Variants in NEMF observed in about 807,000 individuals in gnomAD.
NEMF encodes nuclear export mediator factor.
Under a neutral mutation model 162.2 loss-of-function variants are expected in NEMF, and 89 were observed. The observed-to-expected ratio is 0.55, with a 90% CI of 0.46 to 0.65. NEMF has a LOEUF of 0.65. Among genes scored for constraint, NEMF ranks in the 30% least tolerant of loss-of-function variants. The pLI, the probability that NEMF is intolerant of heterozygous loss-of-function variation, is 0.00. For missense variants in NEMF, 1,133 were observed against 1,261.9 expected, an observed-to-expected ratio of 0.90 and a Z score of 1.55; for synonymous variants, 421 against 404.5, an observed-to-expected ratio of 1.04 and a Z score of -0.49.
chr14:49,817,457 CAAAT>C (rs1372181914), intron 16 of NEMF, among the ~76,000 whole-genome samples: 5 of 151,964 alleles, frequency 3.3e-5, no homozygotes, highest in South Asian at 2.1e-4. Flanking sequence ...AAAAAACAAA[CAAAT>C]AAAAAAGATA....
chr14:49,803,437 C>T (rs1006354890), intron 19 of NEMF, 143 bp from the exon 20 acceptor site: 5 of 523,894 alleles, frequency 9.5e-6, no homozygotes, highest in African/African-American at 7.8e-5. Flanking sequence ...ATTCTCAATA[C>T]TAAAGGGAAA....
chr14:49,846,226 T>G lies in NEMF; in HGVS notation c.271A>C (p.Lys91Gln). The G allele has an allele frequency of 6.2e-7, 1 of 1,613,860 alleles. No individual in the cohort carries two copies. The highest frequency in any genetic ancestry group is 8.5e-7 in the Non-Finnish European group (1 of 1,179,900). The change falls in exon 4 of 33, where the codon AAA becomes CAA. Residue 91 changes from lysine (K) to glutamine (Q), a missense_variant. Physicochemically the swap from Lys to Gln is moderately conservative, Grantham distance 53. Coordinates refer to ENST00000298310, the MANE Select transcript of NEMF (RefSeq NM_004713.6). ...HLKSRRLVSA[K>Q]QLGVDRIVDF... ...ACAATTCTATCCACACCAAGCTGTT[T>G]TGCACTGACTAATCTCCGACTCTTC...
rs1892681196 is a variant in NEMF at position 49,832,306 on chromosome 14, CT to C, written c.736-30del. 5 of 1,405,536 alleles carry C rather than the reference CT, an allele frequency of 3.6e-6. No individual in the cohort carries two copies. The South Asian group carries it at 6.2e-5, about 17-fold the overall frequency. 87.1% of individuals were successfully genotyped at this position (1,405,536 alleles called of 1,614,324 possible). ...CAAAAATGCAACATTAAAATCATTC[CT>C]ATTCATAATTAACAAAGATTTACTT... On this transcript the variant is annotated intron_variant, in intron 8 of 32. Transcript: ENST00000298310.
At position 49,806,072 on chromosome 14, in the gene NEMF, A is replaced by G; in HGVS notation, c.1806T>C (p.Ala602=). 6.2e-7 allele frequency: 1 copy of G among 1,611,826 alleles called. No individual in the cohort carries two copies. The highest frequency in any genetic ancestry group is 2.2e-5 in the East Asian group (1 of 44,754). The change falls in exon 19 of 33, where the codon GCT becomes GCC. Residue 602 remains alanine, a synonymous_variant. Transcript: ENST00000298310. ...EAGTMALCYS[A]AWDARVITSA... is the part of the protein sequence containing the mutation. Reference sequence around the variant, plus strand: ...TAGTGATAACTCGTGCATCCCAAGCAGCACTGTAGCAAAGTGCCATTGTGC... The same window carrying G: ...TAGTGATAACTCGTGCATCCCAAGCGGCACTGTAGCAAAGTGCCATTGTGC...
At chr14:49,810,810 G>A (rs937961405) in intron 18 of NEMF, among the ~76,000 whole-genome samples, 19 of 152,258 alleles carry the variant, frequency 1.2e-4, no homozygotes, top group Middle Eastern at 3.4e-3. Flanking sequence ...GGACAACATG[G>A]CAAAACCTCA....
chr14:49,784,230 G>A lies in NEMF; in HGVS notation c.*406C>T, dbSNP rs1053152843. The A allele has an allele frequency of 6.5e-6, 1 of 152,914 alleles. No homozygotes were observed. The highest frequency in any genetic ancestry group is 2.4e-5 in the African/African-American group (1 of 40,832). The allele number at this position is 152,914 out of a possible 1,614,324, so 9.5% of individuals were successfully genotyped here. ...CTTTTGGTGAATATAGCAAGGCAAT[G>A]TTTAGTTCATTTGGCCTGTAATATA... is the stretch of plus-strand genomic sequence containing the variant. On this transcript the variant is annotated 3_prime_UTR_variant, in exon 33 of 33. Coordinates refer to ENST00000298310, the MANE Select transcript of NEMF (RefSeq NM_004713.6).
Position 49,782,118 on chromosome 14 carries a change from G to A in NEMF, c.*2518C>T. The A allele has an allele frequency of 2.2e-6, 1 of 445,184 alleles. No individual in the cohort carries two copies. The highest frequency in any genetic ancestry group is 3.6e-5 in the East Asian group (1 of 28,036). The allele number at this position is 445,184 out of a possible 1,614,324, so 27.6% of individuals were successfully genotyped here. On this transcript the variant is annotated 3_prime_UTR_variant, in exon 33 of 33. Transcript: ENST00000298310. ...TTTTTATTGCTAACAAAGACCTAGA[G>A]AACAGATCGTTCAGTTCAAACTCCT...
intron 1 of NEMF, among the ~76,000 whole-genome samples, 198 bp from the exon 2 acceptor site, chr14:49,852,073 CAGCTCTAGGAACAACACACTAT>C (rs1893805031): frequency 6.6e-6 from 1 of 152,262 alleles, no homozygotes; most frequent in South Asian, 2.1e-4. Context: ...AGTGGTCTAT[CAGCTCTAGGAACAACACACTAT>C]AGCTTGCGTC....
Position 49,852,722 on chromosome 14 carries a change from C to G in NEMF, c.32G>C (p.Arg11Pro). 1 of 1,614,220 alleles carries G rather than the reference C, an allele frequency of 6.2e-7. No individual in the cohort carries two copies. Among genetic ancestry groups the G allele is most frequent in the Non-Finnish European group, 8.5e-7 (1 of 1,180,046 alleles). The stretch of plus-strand genomic sequence containing the variant: ...AGCATTCAGCTCCGCGAGTACGGCG[C>G]GGAGGTCAATGGTGCTAAAGCGGCT... MKSRFSTIDL[R>P]AVLAELNASL... The change falls in exon 1 of 33, where the codon CGC becomes CCC. Residue 11 changes from arginine (R) to proline (P), a missense_variant. By Grantham distance (103) the Arg-to-Pro change is moderately radical. This residue lies in a region of NEMF where 582 missense variants were observed against 631.5 expected (regional missense o/e 0.92). Coordinates refer to ENST00000298310, the MANE Select transcript of NEMF (RefSeq NM_004713.6).
At chr14:49,805,684 G>A (rs1891154602) in intron 19 of NEMF, among the ~76,000 whole-genome samples, 1 of 151,980 alleles carries the variant, frequency 6.6e-6, no homozygotes, top group Admixed American at 6.6e-5. Flanking sequence ...AGGTCAGTAT[G>A]CCAATAATAA....
At position 49,832,035 on chromosome 14, in the gene NEMF, A is replaced by G. The variant is rs573664476; in HGVS notation, c.882+16T>C. ...CATGCTAACTAACTGGTAAAGGAACAGAACGGAAAACCCACCTTGTCAAAT... is the reference window on the plus strand; with the variant it reads ...CATGCTAACTAACTGGTAAAGGAACGGAACGGAAAACCCACCTTGTCAAAT... On this transcript the variant is annotated intron_variant, in intron 10 of 32. Transcript: ENST00000298310. 1 of 1,569,466 alleles carries G rather than the reference A, an allele frequency of 6.4e-7. No homozygotes were observed. The highest frequency in any genetic ancestry group is 1.9e-5 in the Admixed American group (1 of 52,376).
chr14:49,821,833 G>A (rs1892075165), intron 16 of NEMF, among the ~76,000 whole-genome samples: 1 of 152,026 alleles, frequency 6.6e-6, no homozygotes, highest in African/African-American at 2.4e-5. Context: ...TTGAGAATGG[G>A]CCATGATGAC....
At chr14:49,826,258 G>A (rs916358337) in intron 15 of NEMF, among the ~76,000 whole-genome samples, 2 of 152,008 alleles carry the variant, frequency 1.3e-5, no homozygotes, top group Admixed American at 1.3e-4. Flanking sequence ...CATATGCTTG[G>A]TTCTAGGCTA....
chr14:49,799,117 G>C (rs1890827755), intron 25 of NEMF, among the ~76,000 whole-genome samples: 1 of 144,718 alleles, frequency 6.9e-6, no homozygotes, highest in African/African-American at 2.6e-5. Context: ...GCTGAAGCAG[G>C]AGACTGCCTG....
intron 7 of NEMF, 37 bp from the exon 8 acceptor site, chr14:49,833,533 A>G: frequency 7.2e-7 from 1 of 1,395,292 alleles, no homozygotes. Context: ...AAGGAGTGCC[A>G]ATCAAGTGTC....
intron 25 of NEMF, among the ~76,000 whole-genome samples, chr14:49,799,171 G>GCACTCTA (rs1190284188): frequency 8.6e-6 from 1 of 115,918 alleles, no homozygotes; most frequent in Admixed American, 1.3e-4. Flanking sequence ...CTGCGCCATA[G>GCACTCTA]CACTCTAGCC....
intron 18 of NEMF, among the ~76,000 whole-genome samples, chr14:49,809,330 G>C (rs1395000085): frequency 2.0e-5 from 3 of 152,174 alleles, no homozygotes; most frequent in South Asian, 2.1e-4. Context: ...ATATTATTCA[G>C]GGATAAAAAG....
Position 49,783,191 on chromosome 14 carries a change from A to G in NEMF, c.*1445T>C. 1 of 325,512 alleles carries G rather than the reference A, an allele frequency of 3.1e-6. No individual in the cohort carries two copies. The highest frequency in any genetic ancestry group is 5.5e-6 in the Non-Finnish European group (1 of 180,430). The allele number at this position is 325,512 out of a possible 1,614,324, so 20.2% of individuals were successfully genotyped here. A position where few individuals can be genotyped will look rare whatever the true frequency, so the allele number is the denominator to read the frequency against. On this transcript the variant is annotated 3_prime_UTR_variant, in exon 33 of 33. Coordinates refer to ENST00000298310, the MANE Select transcript of NEMF (RefSeq NM_004713.6). ...ATGGTTGGGCTTTTTACCCTGAAGA[A>G]TGGTTGCTACATTTTCTTTTCAGTA... is the stretch of plus-strand genomic sequence containing the variant.
At chr14:49,791,534 C>T (rs917039697) in intron 26 of NEMF, among the ~76,000 whole-genome samples, 8 of 151,660 alleles carry the variant, frequency 5.3e-5, no homozygotes, top group African/African-American at 1.7e-4. Flanking sequence ...GTCAAGAGAT[C>T]GAGACCATCC....
Sources: allele counts gnomAD v4.1 joint callset (sites outside exome capture counted in the v4.1 genomes callset), GRCh38; gene constraint gnomAD v4.1.1; regional missense constraint gnomAD v4.1.1; transcripts MANE v1.5; gene names NCBI Gene and HGNC (gene_info 2026-07-23, HGNC 2026-07-21).